The following CABCOCO1 variants were observed in gnomAD, a reference collection of about 807,000 sequenced individuals.
CABCOCO1 encodes the protein ciliary-associated calcium-binding coiled-coil protein 1.
A neutral mutation model predicts 35.7 loss-of-function variants in CABCOCO1; 28 were observed. That is an observed-to-expected ratio of 0.78 (90% CI 0.58 to 1.07). The LOEUF (loss-of-function observed/expected upper bound fraction) is 1.07, where lower values mean the gene tolerates loss of function less well. Among genes scored for constraint, CABCOCO1 ranks in the 50% least tolerant of loss-of-function variants. The pLI is 0.00. For missense variants in CABCOCO1, 326 were observed against 309.2 expected, an observed-to-expected ratio of 1.05 and a Z score of -0.41; for synonymous variants, 95 against 100.1, an observed-to-expected ratio of 0.95 and a Z score of 0.30.
At chr10:61,736,523 A>G (rs183524818) in intron 5 of CABCOCO1, among the ~76,000 whole-genome samples, 54 of 152,220 alleles carry the variant, frequency 3.5e-4, no homozygotes, top group African/African-American at 1.3e-3. Flanking sequence ...TATCAATACC[A>G]TGCTGTTTTG....
intron 4 of CABCOCO1, among the ~76,000 whole-genome samples, chr10:61,688,791 C>T (rs1166039583): frequency 6.6e-6 from 1 of 152,152 alleles, no homozygotes; most frequent in Non-Finnish European, 1.5e-5. Flanking sequence ...AGGACTAAGA[C>T]TAAATGTTTG....
At chr10:61,756,445 G>A (rs1322676903) in intron 5 of CABCOCO1, among the ~76,000 whole-genome samples, 1 of 151,944 alleles carries the variant, frequency 6.6e-6, no homozygotes, top group Non-Finnish European at 1.5e-5. Flanking sequence ...CTTTATTAGA[G>A]CTTTTAATGT....
At chr10:61,700,529 T>C (rs1355613360) in intron 5 of CABCOCO1, among the ~76,000 whole-genome samples, 1 of 152,082 alleles carries the variant, frequency 6.6e-6, no homozygotes, top group African/African-American at 2.4e-5. Flanking sequence ...ATGTGATGAA[T>C]GGCATTCTCA....
intron 4 of CABCOCO1, among the ~76,000 whole-genome samples, chr10:61,689,416 GT>G (rs899589010): frequency 5.3e-5 from 8 of 151,906 alleles, no homozygotes; most frequent in Admixed American, 3.3e-4. Flanking sequence ...TGTACAAGAG[GT>G]TTTTTTCCCC....
chr10:61,675,654 A>G (rs1213645523), intron 2 of CABCOCO1, among the ~76,000 whole-genome samples: 1 of 152,206 alleles, frequency 6.6e-6, no homozygotes, highest in African/African-American at 2.4e-5. Context: ...AAGGAAAACT[A>G]ACTGCTAGAA....
chr10:61,671,705 T>C lies in CABCOCO1; in HGVS notation c.61-927T>C, dbSNP rs1371984267. On this transcript the variant is annotated intron_variant, in intron 1 of 7. Coordinates refer to ENST00000648843, the MANE Select transcript of CABCOCO1 (RefSeq NM_001366906.2). ...CCCAACGCTTCATCCCTGCACTGTTTAAATGGCCTCTTTGTTTAACTCTTC... is the reference window on the plus strand; with the variant it reads ...CCCAACGCTTCATCCCTGCACTGTTCAAATGGCCTCTTTGTTTAACTCTTC... Among the ~76,000 whole-genome samples, 3 of 152,104 alleles carry C rather than the reference T, an allele frequency of 2.0e-5. No individual in the cohort carries two copies. In the East Asian group the frequency reaches 5.8e-4, roughly 29 times the overall value.
intron 5 of CABCOCO1, among the ~76,000 whole-genome samples, chr10:61,700,925 G>GTATATGTATACATATACA (rs2132013890): frequency 6.7e-6 from 1 of 150,038 alleles, no homozygotes; most frequent in South Asian, 2.1e-4. Context: ...ATCTGTGTAT[G>GTATATGTATACATATACA]TATATGTATA....
chr10:61,755,000 C>T (rs1334728236), intron 5 of CABCOCO1, among the ~76,000 whole-genome samples: 2 of 152,068 alleles, frequency 1.3e-5, no homozygotes, highest in Non-Finnish European at 2.9e-5. Context: ...GCTGCATTTG[C>T]AAATTTATTT....
rs939304868 is a variant in CABCOCO1, at chr10:61,696,424, T to G, written c.552+5803T>G. ...GCCATATACATTTTTTAAGATGTGA[T>G]GAAAAATACTGTGAATAAAATTTTT... On this transcript the variant is annotated intron_variant, in intron 5 of 7. Coordinates refer to ENST00000648843, the MANE Select transcript of CABCOCO1 (RefSeq NM_001366906.2). Among the ~76,000 whole-genome samples the G allele has an allele frequency of 2.0e-5, 3 of 152,126 alleles. No homozygotes were observed. The East Asian group carries it at 5.8e-4, about 29-fold the overall frequency.
At chr10:61,707,326 T>C (rs1322905032) in intron 5 of CABCOCO1, among the ~76,000 whole-genome samples, 3 of 152,020 alleles carry the variant, frequency 2.0e-5, no homozygotes, top group Non-Finnish European at 4.4e-5. Context: ...TCATTAAGAG[T>C]CTGCTAGGCT....
chr10:61,684,663 C>T (rs1227750432), intron 3 of CABCOCO1, among the ~76,000 whole-genome samples: 1 of 152,116 alleles, frequency 6.6e-6, no homozygotes, highest in Non-Finnish European at 1.5e-5. Flanking sequence ...ATTCATCTCC[C>T]CCAGGCGGCC....
intron 5 of CABCOCO1, among the ~76,000 whole-genome samples, chr10:61,748,245 C>T (rs575755639): frequency 6.6e-6 from 1 of 152,092 alleles, no homozygotes; most frequent in East Asian, 1.9e-4. Context: ...ACTTACTGAC[C>T]ATATAAAACT....
intron 5 of CABCOCO1, among the ~76,000 whole-genome samples, chr10:61,753,971 C>T (rs970233785): frequency 6.6e-6 from 1 of 152,076 alleles, no homozygotes; most frequent in Admixed American, 6.6e-5. Flanking sequence ...ATAGCATGGA[C>T]CAGCATCCTC....
intron 5 of CABCOCO1, among the ~76,000 whole-genome samples, chr10:61,702,383 G>A (rs1052094875): frequency 2.0e-5 from 3 of 151,902 alleles, no homozygotes; most frequent in Non-Finnish European, 4.4e-5. Context: ...TCTTACTCTG[G>A]GTAGCAATTA....
rs554696042 is a variant in CABCOCO1 at position 61,678,177 on chromosome 10, T to G, written c.165-2966T>G. 3.9e-5 allele frequency among the ~76,000 whole-genome samples: 6 copies of G among 152,260 alleles called. No homozygotes were observed. The South Asian group carries it at 1.2e-3, about 32-fold the overall frequency. On this transcript the variant is annotated intron_variant, in intron 2 of 7. Coordinates refer to ENST00000648843, the MANE Select transcript of CABCOCO1 (RefSeq NM_001366906.2). ...CTCTACTGATTTGGAATAATACCTC[T>G]GCCATATACCAGGCTCCCTCATATA...
intron 5 of CABCOCO1, among the ~76,000 whole-genome samples, chr10:61,750,541 A>G (rs1314081976): frequency 6.6e-6 from 1 of 152,144 alleles, no homozygotes; most frequent in Non-Finnish European, 1.5e-5. Flanking sequence ...GTGCCACTGG[A>G]CTCCAGCCTG....
At chr10:61,760,798 G>T in intron 6 of CABCOCO1, 65 bp from the exon 7 acceptor site, 1 of 1,498,790 alleles carries the variant, frequency 6.7e-7, no homozygotes, top group Non-Finnish European at 9.0e-7. Context: ...AGAAGTTTTA[G>T]GTTCCATATA....
chr10:61,712,014 G>A (rs1004440151), intron 5 of CABCOCO1, among the ~76,000 whole-genome samples: 6 of 152,012 alleles, frequency 3.9e-5, no homozygotes, highest in African/African-American at 1.5e-4. Flanking sequence ...GGGATTGCTG[G>A]GTCAAATGAT....
intron 5 of CABCOCO1, among the ~76,000 whole-genome samples, chr10:61,744,373 G>T (rs1449251402): frequency 6.6e-6 from 1 of 152,056 alleles, no homozygotes; most frequent in Admixed American, 6.6e-5. Context: ...CAGTGAAATT[G>T]TTCATATTTT....
Sources: allele counts gnomAD v4.1 joint callset (sites outside exome capture counted in the v4.1 genomes callset), GRCh38; gene constraint gnomAD v4.1.1; transcripts MANE v1.5; gene names NCBI Gene and HGNC (gene_info 2026-07-23, HGNC 2026-07-21).